LRRC71: variants seen among roughly 807,000 people sequenced by gnomAD.
LRRC71 encodes the protein leucine-rich repeat-containing protein 71.
Under a neutral mutation model 66.6 loss-of-function variants are expected in LRRC71, and 54 were observed. The observed-to-expected ratio is 0.81, with a 90% CI of 0.65 to 1.02. LRRC71 has a LOEUF of 1.02. LRRC71 is among the 50% of genes least tolerant of loss of function. The pLI, the probability that LRRC71 is intolerant of heterozygous loss-of-function variation, is 0.00. For missense variants in LRRC71, 724 were observed against 718.0 expected (o/e 1.01, Z -0.10); for synonymous variants, 323 against 303.9 (o/e 1.06, Z -0.65).
At chr1:156,922,491 A>T (rs974279764) in intron 1 of LRRC71, among the ~76,000 whole-genome samples, 5 of 152,162 alleles carry the variant, frequency 3.3e-5, no homozygotes, top group Admixed American at 3.3e-4. Context: ...ATTTAGAGGA[A>T]ATCCTATCTA....
intron 11 of LRRC71, among the ~76,000 whole-genome samples, 172 bp downstream of exon 11, chr1:156,929,901 A>C (rs117542119): frequency 0.02 from 3,062 of 152,300 alleles, 56 homozygotes; most frequent in South Asian, 0.057. Flanking sequence ...AGCCGCATCC[A>C]GCCCAGACAT....
chr1:156,924,570 C>T lies in LRRC71; in HGVS notation c.439+18C>T, dbSNP rs546131505. The T allele has an allele frequency of 3.0e-5, 46 of 1,550,438 alleles. No homozygotes were observed. Among genetic ancestry groups the T allele is most frequent in the Non-Finnish European group, 3.8e-5 (43 of 1,146,042 alleles). On this transcript the variant is annotated intron_variant, in intron 3 of 14. Coordinates refer to ENST00000337428, the MANE Select transcript of LRRC71 (RefSeq NM_144702.3). ...CATCCGCGGTGAGCCCCGCTCCCCCCACCCGCCCCAGCTCCCTCCCGCTCC... is the reference window on the plus strand; with the variant it reads ...CATCCGCGGTGAGCCCCGCTCCCCCTACCCGCCCCAGCTCCCTCCCGCTCC...
At chr1:156,936,638 A>G (rs983837949), downstream of LRRC71, among the ~76,000 whole-genome samples, 2 of 151,378 alleles carry the variant, frequency 1.3e-5, no homozygotes, top group Admixed American at 1.3e-4. Flanking sequence ...TTTGCCAGGG[A>G]GCTTCTGTGG....
chr1:156,929,161 G>C, intron 9 of LRRC71, 119 bp from the exon 10 acceptor site: 1 of 1,179,514 alleles, frequency 8.5e-7, no homozygotes, highest in Non-Finnish European at 1.2e-6. Context: ...GCAGGGAGGT[G>C]GGTGGGAGGG....
chr1:156,926,977 G>A (rs1377197152), intron 5 of LRRC71, among the ~76,000 whole-genome samples: 2 of 152,204 alleles, frequency 1.3e-5, no homozygotes, highest in African/African-American at 4.8e-5. Context: ...CATCTTAGGG[G>A]CTACCCTACC....
At position 156,923,898 on chromosome 1, in the gene LRRC71, A is replaced by G. The variant is rs1571029005; in HGVS notation, c.161-51A>G. ...TCCGCCCGCGCGGGAGAGCTTGGGG[A>G]TGCGGGGGTGGGCGTGGCCCCTTCT... On this transcript the variant is annotated intron_variant, in intron 1 of 14. Transcript: ENST00000337428. 8.5e-6 allele frequency: 12 copies of G among 1,417,982 alleles called. No individual in the cohort carries two copies. In the South Asian group the frequency reaches 1.8e-4, roughly 22 times the overall value. 87.8% of individuals were successfully genotyped at this position (1,417,982 alleles called of 1,614,324 possible). A position where few individuals can be genotyped will look rare whatever the true frequency, so the allele number is the denominator to read the frequency against.
At chr1:156,937,340 G>C, downstream of LRRC71, 2 of 1,613,604 alleles carry the variant, frequency 1.2e-6, no homozygotes, top group Non-Finnish European at 1.7e-6. Flanking sequence ...AGAGCGGCTG[G>C]GGCGTCTTGG....
intron 5 of LRRC71, 85 bp from the exon 6 acceptor site, chr1:156,927,117 C>T: frequency 1.7e-6 from 2 of 1,210,732 alleles, no homozygotes. Context: ...TAGCTGCTTC[C>T]CAGAGACGCA....
downstream of LRRC71, chr1:156,937,245 T>C (rs1655636151): frequency 6.2e-7 from 1 of 1,613,232 alleles, no homozygotes; most frequent in East Asian, 2.2e-5. Context: ...CCTGCTTCCC[T>C]CACCTTGAGC....
At chr1:156,933,944 T>C (rs11800206), downstream of LRRC71, among the ~76,000 whole-genome samples, 830 of 152,354 alleles carry the variant, frequency 5.4e-3, 10 homozygotes, top group African/African-American at 0.019. Context: ...CAGTGGCACC[T>C]AGGCCTGTCT....
chr1:156,932,024 A>G lies in LRRC71; in HGVS notation c.1438A>G (p.Ile480Val). ...GNKVLLHLNL[I>V]RNRITEVGLE... Reference sequence around the variant, plus strand: ...CAAGGTCCTTTTGCACCTCAACCTCATCCGTATGTCTGCCAACCTCCCCTG... The same window carrying G: ...CAAGGTCCTTTTGCACCTCAACCTCGTCCGTATGTCTGCCAACCTCCCCTG... The change falls in exon 13 of 15, where the codon ATC becomes GTC. Residue 480 changes from isoleucine to valine, a missense_variant. Coordinates refer to ENST00000337428, the MANE Select transcript of LRRC71 (RefSeq NM_144702.3). 1.9e-6 allele frequency: 3 copies of G among 1,587,104 alleles called. No homozygotes were observed. The highest frequency in any genetic ancestry group is 2.6e-6 in the Non-Finnish European group (3 of 1,165,904).
chr1:156,936,730 T>C, downstream of LRRC71: 1 of 1,429,728 alleles, frequency 7.0e-7, no homozygotes, highest in Non-Finnish European at 9.5e-7. Flanking sequence ...AGAACCACCA[T>C]CTCTCACTGC....
chr1:156,921,354 G>T (rs917875832), intron 1 of LRRC71, among the ~76,000 whole-genome samples: 1 of 152,192 alleles, frequency 6.6e-6, no homozygotes, highest in Admixed American at 6.5e-5. Flanking sequence ...CCCCCATGGG[G>T]TTTACATCCT....
At chr1:156,926,915 G>T (rs1446943113) in intron 5 of LRRC71, among the ~76,000 whole-genome samples, 2 of 152,182 alleles carry the variant, frequency 1.3e-5, no homozygotes, top group Non-Finnish European at 2.9e-5. Context: ...ACACTCAAGG[G>T]GAAGGAATGA....
chr1:156,927,323 G>A lies in LRRC71; in HGVS notation c.662+53G>A, dbSNP rs373483169. On this transcript the variant is annotated intron_variant, in intron 6 of 14. Transcript: ENST00000337428. ...CTCTGGGCCTGTCTCGAAATTCCAA[G>A]CCATTTTTAGTCCCCGCCCTTCCTT... is the stretch of plus-strand genomic sequence containing the variant. 1.3e-5 allele frequency: 20 copies of A among 1,591,210 alleles called. No homozygotes were observed. The African/African-American group carries it at 2.4e-4, about 19-fold the overall frequency.
At chr1:156,931,461 A>T (rs1302394769) in intron 12 of LRRC71, among the ~76,000 whole-genome samples, 1 of 152,118 alleles carries the variant, frequency 6.6e-6, no homozygotes, top group East Asian at 1.9e-4. Context: ...TCTTTTCATC[A>T]TGCCGTCATT....
intron 12 of LRRC71, 124 bp from the exon 13 acceptor site, chr1:156,931,792 C>A (rs1314240788): frequency 1.4e-6 from 1 of 732,758 alleles, no homozygotes; most frequent in Non-Finnish European, 2.3e-6. Context: ...GTATCCCCAG[C>A]ACTTGGGACA....
intron 12 of LRRC71, 124 bp from the exon 13 acceptor site, chr1:156,931,792 C>G (rs1314240788): frequency 1.4e-6 from 1 of 732,760 alleles, no homozygotes; most frequent in Non-Finnish European, 2.3e-6. Flanking sequence ...GTATCCCCAG[C>G]ACTTGGGACA....
the LRRC71 span, chr1:156,939,599 C>T: frequency 3.9e-5 from 63 of 1,613,324 alleles, 1 homozygote; most frequent in South Asian, 6.6e-4. Context: ...GAAGCATCTT[C>T]AGCCAGATTC....
Sources: allele counts gnomAD v4.1 joint callset (sites outside exome capture counted in the v4.1 genomes callset), GRCh38; gene constraint gnomAD v4.1.1; transcripts MANE v1.5; gene names NCBI Gene and HGNC (gene_info 2026-07-23, HGNC 2026-07-21).